The following TRIB2 variants were observed in gnomAD, a reference collection of about 807,000 sequenced individuals.
TRIB2 encodes the protein tribbles pseudokinase 2.
TRIB2 carries 2 observed loss-of-function variants against 26.8 expected under a neutral mutation model. The ratio of observed to expected loss-of-function variants is 0.07; its 90% CI spans 0.03 to 0.24. The LOEUF is 0.24. Among genes scored for constraint, TRIB2 ranks in the 10% least tolerant of loss-of-function variants. TRIB2 has a pLI of 1.00. For synonymous variants in TRIB2, 189 were observed against 187.3 expected (o/e 1.01, Z -0.08); for missense variants, 306 against 449.0 (o/e 0.68, Z 2.88).
intron 1 of TRIB2, among the ~76,000 whole-genome samples, chr2:12,720,961 A>G (rs561151075): frequency 6.6e-6 from 1 of 152,266 alleles, no homozygotes; most frequent in Admixed American, 6.5e-5. Context: ...ATGATGGCCT[A>G]ATCTTACTGC....
chr2:12,724,133 G>A (rs1661285724), intron 2 of TRIB2, among the ~76,000 whole-genome samples: 1 of 152,198 alleles, frequency 6.6e-6, no homozygotes, highest in Non-Finnish European at 1.5e-5. Flanking sequence ...AGGACTTGGA[G>A]AGTCAAGGAA....
chr2:12,718,833 C>G lies in TRIB2; in HGVS notation c.270+256C>G, dbSNP rs1558313858. 6.6e-6 allele frequency among the ~76,000 whole-genome samples: 1 copy of G among 152,100 alleles called. No individual in the cohort carries two copies. The highest frequency in any genetic ancestry group is 1.5e-5 in the Non-Finnish European group (1 of 68,026). On this transcript the variant is annotated intron_variant, in intron 1 of 2. Coordinates refer to ENST00000155926, the MANE Select transcript of TRIB2 (RefSeq NM_021643.4). The surrounding 1 kb of genome is among the most constrained non-coding windows in gnomAD (Gnocchi z 4.0). Reference sequence around the variant, plus strand: ...GGGCGGCGGGACTGCGCGGGGGCCACGGACACGCGTGCACCGAAGGCTCCA... The same window carrying G: ...GGGCGGCGGGACTGCGCGGGGGCCAGGGACACGCGTGCACCGAAGGCTCCA...
At position 12,718,399 on chromosome 2, in the gene TRIB2, G is replaced by C; in HGVS notation, c.92G>C (p.Arg31Thr). 1 of 1,614,222 alleles carries C rather than the reference G, an allele frequency of 6.2e-7. No individual in the cohort carries two copies. Among genetic ancestry groups the C allele is most frequent in the Non-Finnish European group, 8.5e-7 (1 of 1,180,038 alleles). Residue 31 changes from arginine (R) to threonine (T), a missense_variant, in exon 1 of 3, where the codon AGG (arginine) becomes ACG (threonine). Transcript: ENST00000155926. This position sits in a 1 kb window ranked among gnomAD's most constrained non-coding sequence, Gnocchi z 4.0. ...TQDFEELSSI[R>T]SAEPSQSFSP... is the part of the protein sequence containing the mutation. ...GATTTCGAAGAGTTGTCGTCTATAAGGTCCGCGGAGCCCAGCCAGAGTTTC... is the reference window on the plus strand; with the variant it reads ...GATTTCGAAGAGTTGTCGTCTATAACGTCCGCGGAGCCCAGCCAGAGTTTC...
intron 2 of TRIB2, among the ~76,000 whole-genome samples, chr2:12,724,416 C>G (rs1024534585): frequency 2.0e-5 from 3 of 152,170 alleles, no homozygotes; most frequent in African/African-American, 7.2e-5. Context: ...CCTTTTTGTT[C>G]TTTTTAAGAA....
Position 12,732,911 on chromosome 2 carries a change from A to G in TRIB2, c.564-7415A>G, listed in dbSNP as rs1313786374. ...TGGACCGCCTGACTGGACGGCCTTC[A>G]GTGACTTCTCTGGATTTCACTGACC... On this transcript the variant is annotated intron_variant, in intron 2 of 2. Coordinates refer to ENST00000155926, the MANE Select transcript of TRIB2 (RefSeq NM_021643.4). The surrounding 1 kb of genome is among the most constrained non-coding windows in gnomAD (Gnocchi z 4.2). Among the ~76,000 whole-genome samples the G allele has an allele frequency of 1.3e-5, 2 of 152,154 alleles. No homozygotes were observed. Among genetic ancestry groups the G allele is most frequent in the African/African-American group, 2.4e-5 (1 of 41,438 alleles).
At position 12,723,580 on chromosome 2, in the gene TRIB2, TACTG is replaced by T. The variant is rs1257198292; in HGVS notation, c.563+29_563+32del. 3 of 1,604,498 alleles carry T rather than the reference TACTG, an allele frequency of 1.9e-6. No individual in the cohort carries two copies. The South Asian group carries it at 3.3e-5, about 18-fold the overall frequency. On this transcript the variant is annotated intron_variant, in intron 2 of 2. Transcript: ENST00000155926. ...AGGTCTCATCCTGTCCAGACCTGGG[TACTG>T]TGATGGACTGCTCCTAACAACAGCT...
chr2:12,740,790 A>T lies in TRIB2; in HGVS notation c.1028A>T (p.Asn343Ile), dbSNP rs1432515418. The change falls in exon 3 of 3, where the codon AAC becomes ATC. Residue 343 changes from asparagine (N) to isoleucine (I), a missense_variant. Transcript: ENST00000155926. This position sits in a 1 kb window ranked among gnomAD's most constrained non-coding sequence, Gnocchi z 5.8. ...GAAGAGAACTTGGACCCTTTCTTTA[A>T]CTGAGCTCATGCCCCACGGAGACTT... ...NMEENLDPFF[N>I] 6.2e-7 allele frequency: 1 copy of T among 1,612,828 alleles called. No individual in the cohort carries two copies. Among genetic ancestry groups the T allele is most frequent in the Non-Finnish European group, 8.5e-7 (1 of 1,179,140 alleles).
intron 2 of TRIB2, among the ~76,000 whole-genome samples, chr2:12,735,746 C>T (rs571500805): frequency 1.3e-5 from 2 of 152,266 alleles, no homozygotes; most frequent in South Asian, 2.1e-4. Context: ...CTGCTTTGCT[C>T]TCTGACCTGG....
chr2:12,732,170 A>G lies in TRIB2; in HGVS notation c.564-8156A>G, dbSNP rs1037545979. On this transcript the variant is annotated intron_variant, in intron 2 of 2. Coordinates refer to ENST00000155926, the MANE Select transcript of TRIB2 (RefSeq NM_021643.4). The surrounding 1 kb of genome is among the most constrained non-coding windows in gnomAD (Gnocchi z 4.2). ...GGGCGTGGGAAGGTGTTCGGGTACA[A>G]TGAGACTCCCCTGTTCATCCAGGCA... 8.5e-5 allele frequency among the ~76,000 whole-genome samples: 13 copies of G among 152,216 alleles called. No individual in the cohort carries two copies. Among genetic ancestry groups the G allele is most frequent in the Middle Eastern group, 3.4e-3 (1 of 294 alleles).
chr2:12,719,574 CTGT>C (rs781658665), intron 1 of TRIB2, among the ~76,000 whole-genome samples: 3 of 93,690 alleles, frequency 3.2e-5, no homozygotes, highest in Admixed American at 3.2e-4. Flanking sequence ...GATTTGCTGA[CTGT>C]TTTTTTTTTT....
chr2:12,727,701 T>A (rs1454096012), intron 2 of TRIB2, among the ~76,000 whole-genome samples: 1 of 152,158 alleles, frequency 6.6e-6, no homozygotes, highest in Non-Finnish European at 1.5e-5. Context: ...TTTTTGTTTA[T>A]ACTGCTGAAA....
chr2:12,731,726 G>C (rs1242255245), intron 2 of TRIB2, among the ~76,000 whole-genome samples: 1 of 152,220 alleles, frequency 6.6e-6, no homozygotes, highest in Non-Finnish European at 1.5e-5. Flanking sequence ...GGGGCTCCCT[G>C]TCAAGTGCAG....
Position 12,740,012 on chromosome 2 carries a change from C to G in TRIB2, c.564-314C>G, listed in dbSNP as rs1292073784. On this transcript the variant is annotated intron_variant, in intron 2 of 2. Coordinates refer to ENST00000155926, the MANE Select transcript of TRIB2 (RefSeq NM_021643.4). This position sits in a 1 kb window ranked among gnomAD's most constrained non-coding sequence, Gnocchi z 5.8. ...AGAAAGCTAGTTAATCTCTTGTTCC[C>G]TCATCGCAGGGGTGATGATGATGTG... 6.6e-6 allele frequency among the ~76,000 whole-genome samples: 1 copy of G among 152,142 alleles called. No homozygotes were observed. The highest frequency in any genetic ancestry group is 2.4e-5 in the African/African-American group (1 of 41,422).
chr2:12,736,838 A>G (rs1430511519), intron 2 of TRIB2, among the ~76,000 whole-genome samples: 1 of 152,228 alleles, frequency 6.6e-6, no homozygotes. Context: ...ATGAAATGTA[A>G]ATGTACGATA....
At chr2:12,739,100 A>G (rs1366286753) in intron 2 of TRIB2, among the ~76,000 whole-genome samples, 1 of 152,082 alleles carries the variant, frequency 6.6e-6, no homozygotes, top group Non-Finnish European at 1.5e-5. Context: ...CACACACCCT[A>G]TGCACGCAGA....
intron 2 of TRIB2, among the ~76,000 whole-genome samples, chr2:12,728,737 G>A (rs764056939): frequency 5.1e-4 from 77 of 152,178 alleles, no homozygotes; most frequent in Non-Finnish European, 1.0e-3. Context: ...GTGGCCTGGG[G>A]GCTTTCGGTA....
rs1371919345 is a variant in TRIB2, at chr2:12,741,880, A to G, written c.*1086A>G. ...TCTGGTTTGGACAAAAACCCTCAGT[A>G]GAGACAAGCGGGAAGGATAATTAGC... On this transcript the variant is annotated 3_prime_UTR_variant, in exon 3 of 3. Transcript: ENST00000155926. The G allele has an allele frequency of 1.3e-5, 2 of 152,694 alleles. No homozygotes were observed. The highest frequency in any genetic ancestry group is 2.4e-5 in the African/African-American group (1 of 41,466). The allele number at this position is 152,694 out of a possible 1,614,324, so 9.5% of individuals were successfully genotyped here.
intron 2 of TRIB2, among the ~76,000 whole-genome samples, chr2:12,737,111 C>T (rs943269905): frequency 1.8e-4 from 27 of 152,190 alleles, no homozygotes; most frequent in African/African-American, 6.5e-4. Flanking sequence ...TGGGGGTCAC[C>T]CTGCAGCCGT....
rs1666635743 is a variant in TRIB2 at position 12,718,003 on chromosome 2, G to A, written c.-305G>A. ...GGGTACTCATCCAGATCCACGCCGG[G>A]GACACACACACAGAGTAACTAAAAG... On this transcript the variant is annotated 5_prime_UTR_variant, in exon 1 of 3. Coordinates refer to ENST00000155926, the MANE Select transcript of TRIB2 (RefSeq NM_021643.4). This position sits in a 1 kb window ranked among gnomAD's most constrained non-coding sequence, Gnocchi z 4.0. 1 of 371,474 alleles carries A rather than the reference G, an allele frequency of 2.7e-6. No homozygotes were observed. The highest frequency in any genetic ancestry group is 4.9e-6 in the Non-Finnish European group (1 of 205,928). The allele number at this position is 371,474 out of a possible 1,614,324, so 23.0% of individuals were successfully genotyped here.
Sources: gnomAD v4.1 joint callset for allele counts (sites outside exome capture counted in the v4.1 genomes callset) on GRCh38, gnomAD v4.1.1 for gene constraint, Gnocchi (gnomAD v3.1) non-coding constraint, MANE v1.5 for transcripts, NCBI Gene and HGNC (gene_info 2026-07-23, HGNC 2026-07-21) for gene names.